Variants in CASD1 observed in about 807,000 individuals in gnomAD.
CASD1 encodes N-acetylneuraminate (7)9-O-acetyltransferase.
Under a neutral mutation model 100.0 loss-of-function variants are expected in CASD1, and 41 were observed. The ratio of observed to expected loss-of-function variants is 0.41; its 90% CI spans 0.32 to 0.53. The LOEUF (loss-of-function observed/expected upper bound fraction) is 0.53, where lower values mean the gene tolerates loss of function less well. Among genes scored for constraint, CASD1 ranks in the 20% least tolerant of loss-of-function variants. CASD1 has a pLI of 0.25. For missense variants in CASD1, 774 were observed against 948.7 expected (o/e 0.82, Z 2.42); for synonymous variants, 321 against 315.6 (o/e 1.02, Z -0.18).
At chr7:94,526,987 T>G (rs964700650) in intron 3 of CASD1, among the ~76,000 whole-genome samples, 175 bp from the exon 4 acceptor site, 1 of 152,210 alleles carries the variant, frequency 6.6e-6, no homozygotes, top group African/African-American at 2.4e-5. Flanking sequence ...GTCACTTTGT[T>G]GTGTTCTATG....
At chr7:94,568,757 G>A in the CASD1 span, among the ~76,000 whole-genome samples, 1 of 152,176 alleles carries the variant, frequency 6.6e-6, no homozygotes, top group African/African-American at 2.4e-5. Context: ...CCTCATGAAT[G>A]GGATTATTGC....
At chr7:94,618,976 G>A in the CASD1 span, 4 of 1,522,192 alleles carry the variant, frequency 2.6e-6, no homozygotes, top group African/African-American at 1.4e-5. Context: ...GTGAAAAAGG[G>A]CATGCATATC....
chr7:94,583,664 T>G, the CASD1 span, among the ~76,000 whole-genome samples: 1 of 151,926 alleles, frequency 6.6e-6, no homozygotes, highest in Non-Finnish European at 1.5e-5. Flanking sequence ...TAAATCTGAG[T>G]TTACTGGAAT....
intron 10 of CASD1, among the ~76,000 whole-genome samples, chr7:94,542,621 G>T (rs762045964): frequency 6.6e-6 from 1 of 152,186 alleles, no homozygotes; most frequent in South Asian, 2.1e-4. Context: ...TAGCTTTTAC[G>T]TATAGTTAGG....
At chr7:94,552,534 A>G in intron 16 of CASD1, 107 bp downstream of exon 16, 2 of 751,956 alleles carry the variant, frequency 2.7e-6, no homozygotes, top group Non-Finnish European at 2.2e-6. Context: ...TAGAGAAGTT[A>G]CTTCATCTTT....
At chr7:94,510,328 G>T in intron 1 of CASD1, 111 bp downstream of exon 1, 2 of 820,128 alleles carry the variant, frequency 2.4e-6, no homozygotes, top group African/African-American at 1.8e-5. Flanking sequence ...CCGCCGGCCC[G>T]GCCCGCGGGG....
At chr7:94,603,138 A>T in the CASD1 span, 9 of 624,654 alleles carry the variant, frequency 1.4e-5, no homozygotes, top group Non-Finnish European at 2.5e-5. Flanking sequence ...TGCACTGTCA[A>T]CGAGCTTACC....
intron 1 of CASD1, among the ~76,000 whole-genome samples, chr7:94,515,370 TA>T (rs1793925130): frequency 7.2e-5 from 11 of 152,022 alleles, no homozygotes; most frequent in Admixed American, 7.2e-4. Context: ...ACTGTGTTTG[TA>T]ATGCCTTTGG....
At chr7:94,599,203 A>G in the CASD1 span, 7 of 452,072 alleles carry the variant, frequency 1.5e-5, no homozygotes, top group Non-Finnish European at 2.7e-5. Context: ...TAAGCTATGA[A>G]GCATTGTATT....
chr7:94,581,736 T>C, the CASD1 span, among the ~76,000 whole-genome samples: 4 of 152,248 alleles, frequency 2.6e-5, no homozygotes, highest in Non-Finnish European at 4.4e-5. Flanking sequence ...TAGTAGTCCA[T>C]GGTGTATATG....
At chr7:94,584,634 GAGA>G in the CASD1 span, among the ~76,000 whole-genome samples, 1 of 152,184 alleles carries the variant, frequency 6.6e-6, no homozygotes, top group Non-Finnish European at 1.5e-5. Flanking sequence ...AGTAGATTAA[GAGA>G]AGGTTTTCCA....
chr7:94,582,731 A>G, the CASD1 span, among the ~76,000 whole-genome samples: 3 of 152,198 alleles, frequency 2.0e-5, no homozygotes, highest in Non-Finnish European at 2.9e-5. Context: ...ATAAACTTTT[A>G]TAGCATCAAT....
chr7:94,525,260 G>C (rs1281655300), intron 3 of CASD1, among the ~76,000 whole-genome samples: 1 of 152,096 alleles, frequency 6.6e-6, no homozygotes, highest in East Asian at 1.9e-4. Context: ...AAGTTGGAGA[G>C]AAAGCCAACA....
chr7:94,557,973 A>G (rs1258976271), downstream of CASD1, among the ~76,000 whole-genome samples: 3 of 152,108 alleles, frequency 2.0e-5, no homozygotes, highest in African/African-American at 7.2e-5. Context: ...AAGATTTTTA[A>G]CAGGATGTTT....
chr7:94,591,849 A>C, the CASD1 span, among the ~76,000 whole-genome samples: 2 of 152,222 alleles, frequency 1.3e-5, no homozygotes, highest in Admixed American at 1.3e-4. Context: ...TTCGGAGAAG[A>C]TGCATAAGAA....
chr7:94,586,112 C>G, the CASD1 span, among the ~76,000 whole-genome samples: 1 of 150,108 alleles, frequency 6.7e-6, no homozygotes, highest in Non-Finnish European at 1.5e-5. Flanking sequence ...TATACTTTCC[C>G]CTGATAAATT....
At chr7:94,563,312 G>T in the CASD1 span, among the ~76,000 whole-genome samples, 3 of 152,238 alleles carry the variant, frequency 2.0e-5, no homozygotes, top group Admixed American at 2.0e-4. Flanking sequence ...GGTCAGAAAA[G>T]GCCTCTGTGG....
Position 94,527,150 on chromosome 7 carries a change from CT to C in CASD1, c.352-8del. On this transcript the variant is annotated splice_polypyrimidine_tract_variant and intron_variant, in intron 3 of 17. Transcript: ENST00000297273. ...CTATACATTAATATTTCTCTGTCTC[CT>C]TTTATGGCAGCATGAAAACATTCCT... 1 of 1,601,856 alleles carries C rather than the reference CT, an allele frequency of 6.2e-7. No individual in the cohort carries two copies. The highest frequency in any genetic ancestry group is 1.1e-5 in the South Asian group (1 of 90,302).
the CASD1 span, among the ~76,000 whole-genome samples, chr7:94,607,838 T>C: frequency 1.3e-5 from 2 of 152,320 alleles, no homozygotes; most frequent in African/African-American, 4.8e-5. Flanking sequence ...TTAAATACTG[T>C]CTTTCTTTGC....
Sources: allele counts gnomAD v4.1 joint callset (sites outside exome capture counted in the v4.1 genomes callset), GRCh38; gene constraint gnomAD v4.1.1; transcripts MANE v1.5; gene names NCBI Gene and HGNC (gene_info 2026-07-23, HGNC 2026-07-21).